The following LRRC72 variants were observed in gnomAD, a reference collection of about 807,000 sequenced individuals.
LRRC72 encodes the protein leucine-rich repeat-containing protein 72.
Under a neutral mutation model 35.8 loss-of-function variants are expected in LRRC72, and 41 were observed. The ratio of observed to expected loss-of-function variants is 1.15; its 90% CI spans 0.89 to 1.49. LRRC72 has a LOEUF of 1.49. Among genes scored for constraint, LRRC72 ranks in the 40% most tolerant of loss-of-function variants. The pLI is 0.00. For missense variants in LRRC72, 389 were observed against 330.7 expected, an observed-to-expected ratio of 1.18 and a Z score of -1.37; for synonymous variants, 118 against 119.2, an observed-to-expected ratio of 0.99 and a Z score of 0.07.
At chr7:16,564,487 C>A (rs1782793185) in intron 5 of LRRC72, among the ~76,000 whole-genome samples, 1 of 151,780 alleles carries the variant, frequency 6.6e-6, no homozygotes, top group African/African-American at 2.4e-5. Flanking sequence ...AAAATTCAGA[C>A]CATTTTCTGT....
chr7:16,543,822 G>A (rs1782400120), intron 3 of LRRC72, among the ~76,000 whole-genome samples: 1 of 152,206 alleles, frequency 6.6e-6, no homozygotes, highest in South Asian at 2.1e-4. Context: ...CTATGAACTT[G>A]ATGAAGCCAG....
rs79362562 is a variant in LRRC72, at chr7:16,552,481, G to A, written c.235-4879G>A. 1.2e-4 allele frequency among the ~76,000 whole-genome samples: 19 copies of A among 152,300 alleles called. No homozygotes were observed. The East Asian group carries it at 3.1e-3, about 25-fold the overall frequency. ...AGGAGGAGAAAACGGAATGCTGAAA[G>A]GAAGAGTGGAAGAAGTCAAGAACAA... On this transcript the variant is annotated intron_variant, in intron 3 of 8. Coordinates refer to ENST00000401542, the MANE Select transcript of LRRC72 (RefSeq NM_001195280.2).
chr7:16,530,261 T>C (rs1782139386), intron 1 of LRRC72: 1 of 152,132 alleles, frequency 6.6e-6, no homozygotes, highest in African/African-American at 2.4e-5. Flanking sequence ...AGTAATGTAG[T>C]TTAGTCCAAG....
intron 3 of LRRC72, among the ~76,000 whole-genome samples, chr7:16,551,830 C>T (rs538334075): frequency 9.2e-5 from 14 of 151,810 alleles, no homozygotes; most frequent in African/African-American, 3.4e-4. Flanking sequence ...CAGCAAATTT[C>T]AAGTCCAAGG....
In LRRC72 at chr7:16,535,501, T is replaced by C. The variant is rs73682456; in HGVS notation, c.165-2126T>C. Among the ~76,000 whole-genome samples the C allele has an allele frequency of 1.7e-3, 257 of 152,312 alleles. 1 individual carries two copies. The highest frequency in any genetic ancestry group is 5.8e-3 in the African/African-American group (243 of 41,562). ...ATCATTTTTTATAATCCCAAATCTA[T>C]TGGCTCAGGTAAGGATCATCAATTG... On this transcript the variant is annotated intron_variant, in intron 2 of 8. Transcript: ENST00000401542.
At chr7:16,528,790 C>T (rs1344923670) in intron 1 of LRRC72, among the ~76,000 whole-genome samples, 1 of 152,132 alleles carries the variant, frequency 6.6e-6, no homozygotes, top group Non-Finnish European at 1.5e-5. Context: ...CCTATTGCCC[C>T]AGAAGTGAGC....
chr7:16,569,281 C>G (rs1415593961), intron 7 of LRRC72, among the ~76,000 whole-genome samples: 1 of 152,034 alleles, frequency 6.6e-6, no homozygotes, highest in African/African-American at 2.4e-5. Context: ...CAAAAATTAG[C>G]CAGGCATGGT....
chr7:16,564,639 T>C (rs1782797389), intron 5 of LRRC72, among the ~76,000 whole-genome samples: 1 of 152,208 alleles, frequency 6.6e-6, no homozygotes, highest in Admixed American at 6.5e-5. Context: ...CTGTAACTTT[T>C]GTTTATTATG....
At chr7:16,575,631 G>T (rs1783027578) in intron 7 of LRRC72, among the ~76,000 whole-genome samples, 1 of 152,134 alleles carries the variant, frequency 6.6e-6, no homozygotes, top group East Asian at 1.9e-4. Flanking sequence ...TGAGATACTT[G>T]ATCTGACACA....
intron 5 of LRRC72, among the ~76,000 whole-genome samples, chr7:16,562,815 A>G (rs1191969178): frequency 6.6e-6 from 1 of 152,240 alleles, no homozygotes; most frequent in African/African-American, 2.4e-5. Flanking sequence ...AAGAACCAAC[A>G]GTGTTTTTCA....
At chr7:16,543,320 G>C (rs1009804522) in intron 3 of LRRC72, among the ~76,000 whole-genome samples, 1 of 152,156 alleles carries the variant, frequency 6.6e-6, no homozygotes, top group Non-Finnish European at 1.5e-5. Flanking sequence ...AGAATGATCT[G>C]AAATCCTGAC....
chr7:16,556,778 T>C (rs1233957403), intron 3 of LRRC72, among the ~76,000 whole-genome samples: 3 of 152,198 alleles, frequency 2.0e-5, no homozygotes, highest in Non-Finnish European at 4.4e-5. Flanking sequence ...GTTCAACCCT[T>C]GGTTTCAACA....
At chr7:16,532,830 T>C (rs1293507624) in intron 2 of LRRC72, 3 of 505,592 alleles carry the variant, frequency 5.9e-6, no homozygotes, top group Non-Finnish European at 7.2e-6. Context: ...GGGTATGTCA[T>C]ATAACCTCAC....
At chr7:16,578,238 C>A (rs1783077716) in intron 7 of LRRC72, among the ~76,000 whole-genome samples, 1 of 152,128 alleles carries the variant, frequency 6.6e-6, no homozygotes, top group South Asian at 2.1e-4. Context: ...AACACCTTGG[C>A]AAGGCGGGCA....
chr7:16,563,181 G>C (rs1394127245), intron 5 of LRRC72, among the ~76,000 whole-genome samples: 1 of 152,052 alleles, frequency 6.6e-6, no homozygotes, highest in Non-Finnish European at 1.5e-5. Context: ...TTTCTTCGAA[G>C]GCAGCCTTAA....
chr7:16,558,341 G>A (rs1782686616), intron 4 of LRRC72, among the ~76,000 whole-genome samples: 1 of 152,204 alleles, frequency 6.6e-6, no homozygotes, highest in Non-Finnish European at 1.5e-5. Flanking sequence ...GGGCGCGGTG[G>A]CTCATGCCTG....
intron 3 of LRRC72, among the ~76,000 whole-genome samples, chr7:16,547,729 C>T (rs548646551): frequency 9.4e-4 from 143 of 152,352 alleles, no homozygotes; most frequent in African/African-American, 3.2e-3. Context: ...GCCACCTTGG[C>T]CCCCTCCAGA....
At chr7:16,571,292 G>A (rs906347052) in intron 7 of LRRC72, among the ~76,000 whole-genome samples, 1 of 152,056 alleles carries the variant, frequency 6.6e-6, no homozygotes, top group Non-Finnish European at 1.5e-5. Context: ...AGGGGGCTCC[G>A]GACATGCCTC....
At chr7:16,549,494 G>A (rs1039106772) in intron 3 of LRRC72, among the ~76,000 whole-genome samples, 2 of 152,110 alleles carry the variant, frequency 1.3e-5, no homozygotes, top group Non-Finnish European at 2.9e-5. Flanking sequence ...TGTACTGCTG[G>A]TGTCACCAGC....
Sources: allele counts gnomAD v4.1 joint callset (sites outside exome capture counted in the v4.1 genomes callset), GRCh38; gene constraint gnomAD v4.1.1; transcripts MANE v1.5; gene names NCBI Gene and HGNC (gene_info 2026-07-23, HGNC 2026-07-21).